Variants in SNX10 observed in about 807,000 individuals in gnomAD.
SNX10 encodes sorting nexin 10, also known as sorting nexin-10.
SNX10 carries 25 observed loss-of-function variants against 28.5 expected under a neutral mutation model. The ratio of observed to expected loss-of-function variants is 0.88; its 90% CI spans 0.64 to 1.22. The LOEUF is 1.22. SNX10 is among the 50% of genes most tolerant of loss of function. The pLI is 0.00. For missense variants in SNX10, 223 were observed against 242.6 expected (o/e 0.92, Z 0.54); for synonymous variants, 62 against 81.4 (o/e 0.76, Z 1.28).
chr7:26,306,551 C>T (rs573971181), intron 1 of SNX10, among the ~76,000 whole-genome samples: 7 of 151,888 alleles, frequency 4.6e-5, no homozygotes, highest in South Asian at 2.1e-4. Flanking sequence ...ACTACAGGCA[C>T]GCACCACCAT....
At chr7:26,359,827 T>C (rs1353510729) in intron 2 of SNX10, among the ~76,000 whole-genome samples, 2 of 152,056 alleles carry the variant, frequency 1.3e-5, no homozygotes, top group Non-Finnish European at 2.9e-5. Context: ...CCAGCTGATT[T>C]TTGTAGTTTT....
At chr7:26,292,793 C>G (rs1785977217) in intron 1 of SNX10, among the ~76,000 whole-genome samples, 1 of 152,232 alleles carries the variant, frequency 6.6e-6, no homozygotes, top group Non-Finnish European at 1.5e-5. Flanking sequence ...GAGGCTTGCA[C>G]ATGATCTCCA....
At chr7:26,369,596 C>G (rs1789424167) in intron 5 of SNX10, among the ~76,000 whole-genome samples, 1 of 152,258 alleles carries the variant, frequency 6.6e-6, no homozygotes, top group African/African-American at 2.4e-5. Context: ...ACCTAGCCGA[C>G]TCACTGGTTT....
intron 2 of SNX10, among the ~76,000 whole-genome samples, chr7:26,349,893 C>T (rs1788531018): frequency 6.6e-6 from 1 of 152,222 alleles, no homozygotes; most frequent in Non-Finnish European, 1.5e-5. Flanking sequence ...TGAGCATTTG[C>T]TCCAGCTGCA....
intron 2 of SNX10, among the ~76,000 whole-genome samples, chr7:26,352,460 T>C (rs1043700272): frequency 2.0e-5 from 3 of 152,098 alleles, no homozygotes; most frequent in African/African-American, 7.2e-5. Context: ...AAGGTAGAGA[T>C]GATAATAAAA....
At chr7:26,367,356 A>C (rs946673341) in intron 5 of SNX10, among the ~76,000 whole-genome samples, 1 of 152,108 alleles carries the variant, frequency 6.6e-6, no homozygotes, top group African/African-American at 2.4e-5. Flanking sequence ...ATTAACACTG[A>C]ATCTGGATTG....
chr7:26,322,363 AAAAG>A (rs1428878618), intron 1 of SNX10, among the ~76,000 whole-genome samples: 4 of 152,234 alleles, frequency 2.6e-5, no homozygotes, highest in Non-Finnish European at 4.4e-5. Context: ...GCCATTTTAT[AAAAG>A]AAAGAATATT....
chr7:26,360,789 A>G, intron 2 of SNX10, 186 bp from the exon 3 acceptor site: 1 of 983,968 alleles, frequency 1.0e-6, no homozygotes, highest in Non-Finnish European at 1.2e-6. Context: ...ATGTGGCAAA[A>G]GTGTGTTCTA....
At chr7:26,307,489 C>T (rs1036544871) in intron 1 of SNX10, among the ~76,000 whole-genome samples, 4 of 152,136 alleles carry the variant, frequency 2.6e-5, no homozygotes, top group African/African-American at 9.7e-5. Flanking sequence ...ACTCTGTCAC[C>T]CAGACTGGAG....
At chr7:26,315,392 G>T (rs1168445886) in intron 1 of SNX10, among the ~76,000 whole-genome samples, 3 of 152,174 alleles carry the variant, frequency 2.0e-5, no homozygotes, top group African/African-American at 7.2e-5. Context: ...AATATGGCTG[G>T]GTGTGGTGGC....
At chr7:26,320,647 T>C (rs995862667) in intron 1 of SNX10, among the ~76,000 whole-genome samples, 3 of 152,094 alleles carry the variant, frequency 2.0e-5, no homozygotes, top group Non-Finnish European at 4.4e-5. Flanking sequence ...TTGGCCAGGC[T>C]GGTCTTGAAC....
intron 1 of SNX10, among the ~76,000 whole-genome samples, chr7:26,322,314 G>A (rs971753726): frequency 2.0e-5 from 3 of 152,096 alleles, no homozygotes; most frequent in African/African-American, 7.2e-5. Flanking sequence ...TTATATGAAA[G>A]GCATTAACAC....
chr7:26,357,327 T>TAAAAA (rs372771552), intron 2 of SNX10, among the ~76,000 whole-genome samples: 2 of 109,368 alleles, frequency 1.8e-5, no homozygotes, highest in African/African-American at 7.1e-5. Context: ...AAGAGAAGAT[T>TAAAAA]AAAAAAAAAA....
chr7:26,318,771 C>CATACTTAATTTTTCTTGT (rs566557986), intron 1 of SNX10, among the ~76,000 whole-genome samples: 301 of 152,246 alleles, frequency 2.0e-3, no homozygotes, highest in African/African-American at 5.6e-3. Context: ...ACACCCAGCC[C>CATACTTAATTTTTCTTGT]ATACTTAATT....
intron 1 of SNX10, among the ~76,000 whole-genome samples, chr7:26,328,674 C>T (rs1159095541): frequency 1.3e-5 from 2 of 152,130 alleles, no homozygotes; most frequent in Non-Finnish European, 2.9e-5. Context: ...GCCCATGTGC[C>T]CCACCAAGAA....
chr7:26,371,228 C>G (rs191991516), intron 5 of SNX10, among the ~76,000 whole-genome samples: 2 of 152,064 alleles, frequency 1.3e-5, no homozygotes, highest in Admixed American at 1.3e-4. Flanking sequence ...TTTGACAACA[C>G]AGAGATTCAG....
At chr7:26,343,078 A>G (rs1014356202) in intron 1 of SNX10, among the ~76,000 whole-genome samples, 1 of 152,220 alleles carries the variant, frequency 6.6e-6, no homozygotes. Context: ...TGCTGAGATT[A>G]CAGGTGTGAG....
chr7:26,357,327 T>TAAAAAAAA (rs372771552), intron 2 of SNX10, among the ~76,000 whole-genome samples: 1 of 109,368 alleles, frequency 9.1e-6, no homozygotes. Context: ...AAGAGAAGAT[T>TAAAAAAAA]AAAAAAAAAA....
rs201825204 is a variant in SNX10, at chr7:26,371,803, C to CTT, written c.312-9_312-8dup. On this transcript the variant is annotated splice_polypyrimidine_tract_variant and intron_variant, in intron 5 of 6. Transcript: ENST00000338523. ...CCATCCTGTTCACCAATTATTTTTC[C>CTT]TTTTTTTTTTAATATAGAGTCCTAC... 8 of 1,314,170 alleles carry CTT rather than the reference C, an allele frequency of 6.1e-6. No homozygotes were observed. Among genetic ancestry groups the CTT allele is most frequent in the East Asian group, 2.7e-5 (1 of 37,078 alleles). The allele number at this position is 1,314,170 out of a possible 1,614,324, so 81.4% of individuals were successfully genotyped here.
Sources: allele counts gnomAD v4.1 joint callset (sites outside exome capture counted in the v4.1 genomes callset), GRCh38; gene constraint gnomAD v4.1.1; transcripts MANE v1.5; gene names NCBI Gene and HGNC (gene_info 2026-07-23, HGNC 2026-07-21).